Variants in PACRG observed in about 807,000 individuals in gnomAD.
The protein encoded by PACRG is parkin coregulated, also known as parkin coregulated gene protein.
In PACRG, 29 loss-of-function variants were observed where a neutral mutation model predicts 29.7. That is an observed-to-expected ratio of 0.98 (90% confidence interval 0.73 to 1.33). The LOEUF (loss-of-function observed/expected upper bound fraction) is 1.33. Ranked by LOEUF, PACRG falls within the 40% of genes most tolerant of loss-of-function variation. PACRG has a pLI of 0.00. For missense variants in PACRG, 279 were observed against 316.2 expected, an observed-to-expected ratio of 0.88 and a Z score of 0.89; for synonymous variants, 116 against 118.7, an observed-to-expected ratio of 0.98 and a Z score of 0.15.
chr6:163,090,411 T>C (rs1321320536), intron 4 of PACRG: 1 of 152,160 alleles, frequency 6.6e-6, no homozygotes, highest in Non-Finnish European at 1.5e-5. Context: ...AAACTGGAGT[T>C]ATAGGAGCTT....
chr6:163,020,125 T>G (rs895234409), intron 2 of PACRG, among the ~76,000 whole-genome samples: 2 of 152,222 alleles, frequency 1.3e-5, no homozygotes, highest in African/African-American at 4.8e-5. Flanking sequence ...AAAGAAAACA[T>G]AATACTTTCA....
At chr6:163,157,250 T>G (rs991435209) in intron 4 of PACRG, among the ~76,000 whole-genome samples, 3 of 152,246 alleles carry the variant, frequency 2.0e-5, no homozygotes, top group Admixed American at 6.5e-5. Flanking sequence ...ATTTGCTCCG[T>G]AGCAGTGTGA....
intron 1 of PACRG, among the ~76,000 whole-genome samples, chr6:162,757,505 C>T (rs982105618): frequency 3.9e-5 from 6 of 151,910 alleles, no homozygotes; most frequent in African/African-American, 7.3e-5. Context: ...GTCAGGAGTT[C>T]GAGACCAGCC....
At chr6:162,748,705 T>TC (rs1369047299) in intron 1 of PACRG, among the ~76,000 whole-genome samples, 3 of 152,078 alleles carry the variant, frequency 2.0e-5, no homozygotes, top group Non-Finnish European at 2.9e-5. Context: ...CGCAGCCTAC[T>TC]CCCCTCCCCC....
intron 4 of PACRG, among the ~76,000 whole-genome samples, chr6:163,295,847 A>G (rs939371407): frequency 6.6e-6 from 1 of 152,118 alleles, no homozygotes; most frequent in African/African-American, 2.4e-5. Flanking sequence ...ACCTCATAGA[A>G]TTAAGGATTA....
At chr6:162,994,919 G>T in intron 2 of PACRG, among the ~76,000 whole-genome samples, 1 of 147,768 alleles carries the variant, frequency 6.8e-6, no homozygotes. Flanking sequence ...ATGGGTTTTC[G>T]GTGTGGATGT....
intron 4 of PACRG, among the ~76,000 whole-genome samples, chr6:163,112,708 C>T (rs1009894161): frequency 1.3e-5 from 2 of 152,168 alleles, no homozygotes; most frequent in Non-Finnish European, 2.9e-5. Context: ...AGGTTTACAC[C>T]TCAGGCTGGT....
At chr6:162,736,905 A>G (rs908561988) in intron 1 of PACRG, among the ~76,000 whole-genome samples, 3 of 152,148 alleles carry the variant, frequency 2.0e-5, no homozygotes, top group African/African-American at 4.8e-5. Flanking sequence ...ATAAAATTCT[A>G]TGCTTTGAAT....
At chr6:162,966,447 A>G (rs1382429065) in intron 2 of PACRG, among the ~76,000 whole-genome samples, 2 of 151,710 alleles carry the variant, frequency 1.3e-5, no homozygotes, top group Non-Finnish European at 2.9e-5. Flanking sequence ...AGTGCTGGAT[A>G]CAAAGATGTT....
At chr6:163,164,085 T>A (rs1256149310) in intron 4 of PACRG, among the ~76,000 whole-genome samples, 1 of 151,600 alleles carries the variant, frequency 6.6e-6, no homozygotes, top group African/African-American at 2.4e-5. Flanking sequence ...AAGTTCCACA[T>A]TTAAAAAAAA....
intron 4 of PACRG, among the ~76,000 whole-genome samples, chr6:163,094,599 ATGTT>A (rs1156882706): frequency 6.6e-6 from 1 of 152,144 alleles, no homozygotes. Context: ...CGAAGGCAAA[ATGTT>A]TGTGTTGGTC....
intron 4 of PACRG, chr6:163,183,523 C>T (rs1190468492): frequency 1.3e-5 from 2 of 151,970 alleles, no homozygotes; most frequent in African/African-American, 2.4e-5. Context: ...TCAGCTCTTC[C>T]CATCAGTGGG....
At chr6:162,761,935 CAAAA>C (rs60437478) in intron 1 of PACRG, among the ~76,000 whole-genome samples, 5 of 75,996 alleles carry the variant, frequency 6.6e-5, no homozygotes, top group Non-Finnish European at 6.8e-5. Flanking sequence ...GACTCCATCT[CAAAA>C]AAAAAAAAAA....
At chr6:162,913,822 T>A (rs1434670007) in intron 2 of PACRG, among the ~76,000 whole-genome samples, 6 of 152,210 alleles carry the variant, frequency 3.9e-5, no homozygotes, top group African/African-American at 1.4e-4. Flanking sequence ...TTGTGTACTT[T>A]TTAATGTGCT....
intron 2 of PACRG, among the ~76,000 whole-genome samples, chr6:162,886,745 ATCTCT>A (rs1201826417): frequency 6.6e-6 from 1 of 152,184 alleles, no homozygotes; most frequent in African/African-American, 2.4e-5. Flanking sequence ...GTGTGTCAGT[ATCTCT>A]TCTAAGTATT....
At position 163,303,888 on chromosome 6, in the gene PACRG, C is replaced by T. The variant is rs776775425; in HGVS notation, c.614-10939C>T. ...AAAATTAGCCAGGCATGGTGGCGGG[C>T]GCCTGTAATCTCAGCTACGCAGGAG... On this transcript the variant is annotated intron_variant, in intron 4 of 4. Coordinates refer to ENST00000366888, the MANE Select transcript of PACRG (RefSeq NM_001080379.2). Among the ~76,000 whole-genome samples, 46 of 151,350 alleles carry T rather than the reference C, an allele frequency of 3.0e-4. 1 individual carries two copies. The highest frequency in any genetic ancestry group is 3.4e-3 in the Middle Eastern group (1 of 294).
intron 2 of PACRG, among the ~76,000 whole-genome samples, chr6:163,009,366 A>T (rs943778031): frequency 6.6e-6 from 1 of 152,216 alleles, no homozygotes; most frequent in Non-Finnish European, 1.5e-5. Context: ...AAATAAAAAT[A>T]TGCCATATTA....
At chr6:163,117,532 A>C (rs1324504368) in intron 4 of PACRG, among the ~76,000 whole-genome samples, 3 of 152,182 alleles carry the variant, frequency 2.0e-5, no homozygotes. Context: ...TAGGTGGATC[A>C]CTTGAGATCA....
At chr6:162,797,940 T>C (rs1584390789) in intron 1 of PACRG, among the ~76,000 whole-genome samples, 1 of 152,326 alleles carries the variant, frequency 6.6e-6, no homozygotes, top group South Asian at 2.1e-4. Context: ...TCTCCTTTCA[T>C]GTAAGTGAGG....
Sources: allele counts gnomAD v4.1 joint callset (sites outside exome capture counted in the v4.1 genomes callset), GRCh38; gene constraint gnomAD v4.1.1; transcripts MANE v1.5; gene names NCBI Gene and HGNC (gene_info 2026-07-23, HGNC 2026-07-21).